Variants in PTP4A3 observed in about 807,000 individuals in gnomAD.
PTP4A3 encodes protein tyrosine phosphatase type IVA 3.
PTP4A3 carries 9 observed loss-of-function variants against 15.2 expected under a neutral mutation model. The observed-to-expected ratio is 0.59, with a 90% CI of 0.36 to 1.03. The LOEUF (loss-of-function observed/expected upper bound fraction) is 1.03. PTP4A3 is among the 50% of genes least tolerant of loss of function. The probability of loss-of-function intolerance (pLI) is 0.02; values close to 1 mark genes in which losing one functional copy is unlikely to be tolerated. For missense variants in PTP4A3, 234 were observed against 252.1 expected, an observed-to-expected ratio of 0.93 and a Z score of 0.49; for synonymous variants, 95 against 102.0, an observed-to-expected ratio of 0.93 and a Z score of 0.41.
chr8:141,400,421 A>G (rs573408753), intron 1 of PTP4A3, among the ~76,000 whole-genome samples: 2 of 152,354 alleles, frequency 1.3e-5, no homozygotes, highest in South Asian at 4.1e-4. Flanking sequence ...TTCATTTCAC[A>G]AGAACCGTGC....
At chr8:141,422,389 T>G (rs766410960) in intron 2 of PTP4A3, 44 bp downstream of exon 2, 2 of 1,608,708 alleles carry the variant, frequency 1.2e-6, no homozygotes, top group Admixed American at 1.7e-5. Context: ...CCCAGGTGTC[T>G]GGGAAGCCCG....
intron 1 of PTP4A3, among the ~76,000 whole-genome samples, chr8:141,393,908 G>T (rs1020944797): frequency 6.6e-6 from 1 of 152,354 alleles, no homozygotes; most frequent in East Asian, 1.9e-4. Flanking sequence ...TGACATGAGG[G>T]CATGCTTAAC....
intron 1 of PTP4A3, among the ~76,000 whole-genome samples, chr8:141,420,056 T>C (rs1833255665): frequency 6.6e-6 from 1 of 152,100 alleles, no homozygotes; most frequent in Admixed American, 6.5e-5. Flanking sequence ...AAGCCCTACC[T>C]GCACCTGGGC....
At chr8:141,407,007 T>C (rs1298678079) in intron 1 of PTP4A3, among the ~76,000 whole-genome samples, 1 of 152,206 alleles carries the variant, frequency 6.6e-6, no homozygotes, top group African/African-American at 2.4e-5. Context: ...GGTCAGGCCC[T>C]TGGGAGGTAC....
intron 5 of PTP4A3, among the ~76,000 whole-genome samples, chr8:141,428,806 A>T (rs1389237008): frequency 1.3e-5 from 2 of 152,030 alleles, no homozygotes; most frequent in African/African-American, 4.8e-5. Context: ...ACGCAGGCAC[A>T]CACTCACAGG....
In PTP4A3 at chr8:141,421,964, T is replaced by A. The variant is rs923024364; in HGVS notation, c.-277T>A. The A allele has an allele frequency of 7.2e-6, 3 of 417,860 alleles. No homozygotes were observed. The South Asian group carries it at 1.2e-4, about 16-fold the overall frequency. The allele number at this position is 417,860 out of a possible 1,614,324, so 25.9% of individuals were successfully genotyped here. A position where few individuals can be genotyped will look rare whatever the true frequency, so the allele number is the denominator to read the frequency against. Reference sequence around the variant, plus strand: ...AGTTGCCCGCTTTACTTTGGTTGGGTTGGGGGGGGCGGCGGGCTGTTTTGT... The same window carrying A: ...AGTTGCCCGCTTTACTTTGGTTGGGATGGGGGGGGCGGCGGGCTGTTTTGT... On this transcript the variant is annotated 5_prime_UTR_variant, in exon 2 of 6. It adds an upstream start codon to the 5' untranslated region. Transcript: ENST00000521578.
At position 141,431,162 on chromosome 8, in the gene PTP4A3, A is replaced by G; in HGVS notation, c.*118A>G. ...GGGGCTCCAGGCCTTGGCTGGCCCC[A>G]CATCGCCTTTTCCTCCCCGACACCT... On this transcript the variant is annotated 3_prime_UTR_variant, in exon 6 of 6. Coordinates refer to ENST00000521578, the MANE Select transcript of PTP4A3 (RefSeq NM_032611.3). The G allele has an allele frequency of 2.1e-6, 2 of 966,856 alleles. No individual in the cohort carries two copies. Among genetic ancestry groups the G allele is most frequent in the Non-Finnish European group, 3.2e-6 (2 of 626,814 alleles). The allele number at this position is 966,856 out of a possible 1,614,324, so 59.9% of individuals were successfully genotyped here. A position where few individuals can be genotyped will look rare whatever the true frequency, so the allele number is the denominator to read the frequency against.
chr8:141,424,553 C>T (rs1419647957), intron 2 of PTP4A3, among the ~76,000 whole-genome samples: 6 of 152,152 alleles, frequency 3.9e-5, no homozygotes, highest in African/African-American at 1.4e-4. Flanking sequence ...CTGGGGAGTC[C>T]AGTTCCTGCT....
In PTP4A3 at chr8:141,425,196, C is replaced by CCGGGGGGGGGGGGGGGGGG; in HGVS notation, c.198+56_198+57insCGGGGGGGGGGGGGGGGGG. ...CTGCTGCCACCGGGGGAGGGTGGGG[C>CCGGGGGGGGGGGGGGGGGG]GGGGGGCTCCGGGCCTGCGCAGAGG... On this transcript the variant is annotated intron_variant, in intron 3 of 5. Coordinates refer to ENST00000521578, the MANE Select transcript of PTP4A3 (RefSeq NM_032611.3). The surrounding 1 kb of genome is among the most constrained non-coding windows in gnomAD (Gnocchi z 4.2). 2.8e-6 allele frequency: 1 copy of CCGGGGGGGGGGGGGGGGGG among 361,480 alleles called. No homozygotes were observed. 22.4% of individuals were successfully genotyped at this position (361,480 alleles called of 1,614,324 possible).
At chr8:141,430,687 C>T (rs962132435) in intron 5 of PTP4A3, among the ~76,000 whole-genome samples, 8 of 152,090 alleles carry the variant, frequency 5.3e-5, no homozygotes, top group Non-Finnish European at 8.8e-5. Flanking sequence ...CCAGAGTCAG[C>T]CTGGAGGAGG....
rs1307147315 is a variant in PTP4A3 at position 141,428,329 on chromosome 8, C to T, written c.404+505C>T. Among the ~76,000 whole-genome samples the T allele has an allele frequency of 2.6e-5, 4 of 151,568 alleles. No individual in the cohort carries two copies. The East Asian group carries it at 5.9e-4, about 22-fold the overall frequency. On this transcript the variant is annotated intron_variant, in intron 5 of 5. Coordinates refer to ENST00000521578, the MANE Select transcript of PTP4A3 (RefSeq NM_032611.3). Reference sequence around the variant, plus strand: ...CTCCTTAGAGGCTTCTAGGCCAGCTCGCCTGCCCCATCCCTGTCACTTGGT... The same window carrying T: ...CTCCTTAGAGGCTTCTAGGCCAGCTTGCCTGCCCCATCCCTGTCACTTGGT...
rs114650619 is a variant in PTP4A3, at chr8:141,421,781, T to C, written c.-460T>C. On this transcript the variant is annotated 5_prime_UTR_variant, in exon 2 of 6. The change abolishes an upstream ATG in the 5' untranslated region. Transcript: ENST00000521578. The stretch of plus-strand genomic sequence containing the variant: ...AGGGGGCTGTCTGCCCATCCACCAA[T>C]GTGGAGAGGGCGCCCCCGGTGTGGG... The C allele has an allele frequency of 8.1e-3, 1,274 of 157,848 alleles. 13 individuals are homozygous for C. Among genetic ancestry groups the C allele is most frequent in the African/African-American group, 0.024 (981 of 41,618 alleles). 9.8% of individuals were successfully genotyped at this position (157,848 alleles called of 1,614,324 possible).
chr8:141,393,614 A>C (rs1438697677), intron 1 of PTP4A3, among the ~76,000 whole-genome samples: 1 of 152,208 alleles, frequency 6.6e-6, no homozygotes, highest in Non-Finnish European at 1.5e-5. Flanking sequence ...GGCGGGGATG[A>C]GATGCAGCCT....
chr8:141,409,695 G>T (rs1381487637), intron 1 of PTP4A3, among the ~76,000 whole-genome samples: 2 of 152,244 alleles, frequency 1.3e-5, no homozygotes, highest in Admixed American at 6.5e-5. Flanking sequence ...TCTCCCTTAG[G>T]TCCGCTGGTT....
At chr8:141,413,517 G>C (rs953121311) in intron 1 of PTP4A3, among the ~76,000 whole-genome samples, 13 of 152,260 alleles carry the variant, frequency 8.5e-5, no homozygotes, top group Non-Finnish European at 1.6e-4. Flanking sequence ...CCGTACTCCA[G>C]AGCGACTGGC....
intron 1 of PTP4A3, among the ~76,000 whole-genome samples, chr8:141,403,855 C>A (rs889557275): frequency 2.0e-5 from 3 of 152,386 alleles, no homozygotes; most frequent in Admixed American, 2.0e-4. Flanking sequence ...TGTATTGCCA[C>A]GCATTCGTCT....
At chr8:141,430,362 G>A (rs1020612384) in intron 5 of PTP4A3, among the ~76,000 whole-genome samples, 4 of 148,784 alleles carry the variant, frequency 2.7e-5, no homozygotes, top group Non-Finnish European at 1.5e-5. Flanking sequence ...GGACCCGGTG[G>A]CGGGGACAGG....
At chr8:141,412,329 C>T (rs1014961704) in intron 1 of PTP4A3, among the ~76,000 whole-genome samples, 2 of 152,218 alleles carry the variant, frequency 1.3e-5, no homozygotes, top group East Asian at 1.9e-4. Context: ...CGGCCCAGCT[C>T]CCCACCTCCC....
chr8:141,402,576 C>G (rs997887846), intron 1 of PTP4A3, among the ~76,000 whole-genome samples: 1 of 152,202 alleles, frequency 6.6e-6, no homozygotes, highest in East Asian at 1.9e-4. Context: ...TCGCGCCTGT[C>G]CCGGCCTCCT....
Sources: gnomAD v4.1 joint callset for allele counts (sites outside exome capture counted in the v4.1 genomes callset) on GRCh38, gnomAD v4.1.1 for gene constraint, Gnocchi (gnomAD v3.1) non-coding constraint, MANE v1.5 for transcripts, NCBI Gene and HGNC (gene_info 2026-07-23, HGNC 2026-07-21) for gene names.